The following CMSS1 variants were observed in gnomAD, a reference collection of about 807,000 sequenced individuals.
CMSS1 encodes the protein cms1 ribosomal small subunit homolog.
CMSS1 carries 33 observed loss-of-function variants against 43.5 expected under a neutral mutation model. The observed-to-expected ratio is 0.76, with a 90% CI of 0.57 to 1.01. The LOEUF is 1.01. CMSS1 is among the 50% of genes least tolerant of loss of function. CMSS1 has a pLI of 0.00. For missense variants in CMSS1, 313 were observed against 326.4 expected, an observed-to-expected ratio of 0.96 and a Z score of 0.32; for synonymous variants, 115 against 117.2, an observed-to-expected ratio of 0.98 and a Z score of 0.12.
chr3:99,958,245 T>TATTATC (rs1179602939), intron 1 of CMSS1, among the ~76,000 whole-genome samples: 1 of 143,950 alleles, frequency 6.9e-6, no homozygotes, highest in East Asian at 2.0e-4. Context: ...TTATTATTAT[T>TATTATC]ATTATTTGAA....
At chr3:100,136,409 C>T (rs1007928180) in intron 1 of CMSS1, among the ~76,000 whole-genome samples, 4 of 152,170 alleles carry the variant, frequency 2.6e-5, no homozygotes, top group Admixed American at 6.5e-5. Context: ...TTGAAGAAGC[C>T]AGGAGGCTGA....
rs145905204 is a variant in CMSS1, at chr3:100,153,355, C to T, written c.153+6294C>T. ...CATTCGACACAGTATTATTTAGATT[C>T]CTCCATGTCAGTGTATAGTATTTCA... On this transcript the variant is annotated intron_variant, in intron 2 of 9. Coordinates refer to ENST00000421999, the MANE Select transcript of CMSS1 (RefSeq NM_032359.4). Among the ~76,000 whole-genome samples, 747 of 152,298 alleles carry T rather than the reference C, an allele frequency of 4.9e-3. 3 individuals carry two copies. The highest frequency in any genetic ancestry group is 8.3e-3 in the Non-Finnish European group (567 of 68,026).
At chr3:99,881,537 CTT>C (rs767566245) in intron 1 of CMSS1, among the ~76,000 whole-genome samples, 6 of 144,890 alleles carry the variant, frequency 4.1e-5, no homozygotes, top group Non-Finnish European at 3.0e-5. Flanking sequence ...CTCTCTCTCT[CTT>C]TTTTTTTTTT....
At chr3:99,924,516 G>T in intron 1 of CMSS1, 3 of 1,186,302 alleles carry the variant, frequency 2.5e-6, no homozygotes, top group African/African-American at 1.6e-5. Context: ...GGGTTTTTTT[G>T]GTTTTTTGTT....
intron 1 of CMSS1, among the ~76,000 whole-genome samples, chr3:99,822,455 GC>G (rs1415362231): frequency 3.3e-5 from 5 of 152,148 alleles, no homozygotes; most frequent in African/African-American, 1.2e-4. Context: ...TTGCGGCCAG[GC>G]GCAGTGGCTC....
intron 1 of CMSS1, among the ~76,000 whole-genome samples, chr3:99,943,907 G>A (rs1377812074): frequency 1.3e-5 from 2 of 152,230 alleles, no homozygotes; most frequent in African/African-American, 4.8e-5. Context: ...TTTCTTCAGG[G>A]CTCAGTGTTT....
At chr3:100,042,846 G>A (rs914273581) in intron 1 of CMSS1, among the ~76,000 whole-genome samples, 1 of 152,082 alleles carries the variant, frequency 6.6e-6, no homozygotes, top group Non-Finnish European at 1.5e-5. Context: ...GACAGTTCAA[G>A]AAAAAAATGG....
At chr3:99,910,930 A>G (rs567445065) in intron 1 of CMSS1, among the ~76,000 whole-genome samples, 1 of 152,340 alleles carries the variant, frequency 6.6e-6, no homozygotes, top group South Asian at 2.1e-4. Flanking sequence ...CTTTTCAAGG[A>G]TGAAGAGATG....
At chr3:100,095,273 G>A (rs1026030696) in intron 1 of CMSS1, among the ~76,000 whole-genome samples, 3 of 151,846 alleles carry the variant, frequency 2.0e-5, no homozygotes, top group African/African-American at 7.3e-5. Flanking sequence ...CAAAAATCTT[G>A]CGGAGATTTT....
chr3:100,139,144 G>A (rs1300863673), intron 1 of CMSS1, among the ~76,000 whole-genome samples: 1 of 152,044 alleles, frequency 6.6e-6, no homozygotes, highest in African/African-American at 2.4e-5. Context: ...TGAACAATGA[G>A]AACATGTGGA....
At chr3:99,957,722 G>GGT (rs1193054339) in intron 1 of CMSS1, among the ~76,000 whole-genome samples, 3 of 17,992 alleles carry the variant, frequency 1.7e-4, no homozygotes, top group South Asian at 4.5e-3. Flanking sequence ...TTTTTTTTTT[G>GGT]GTGTGTGTGT....
chr3:99,839,977 C>T (rs1051300968), intron 1 of CMSS1, among the ~76,000 whole-genome samples: 12 of 152,144 alleles, frequency 7.9e-5, no homozygotes, highest in South Asian at 2.1e-4. Context: ...AACCAGAGGG[C>T]GATTTTGCCC....
chr3:99,841,551 A>T (rs1041593571), intron 1 of CMSS1, among the ~76,000 whole-genome samples: 8 of 152,198 alleles, frequency 5.3e-5, no homozygotes, highest in Non-Finnish European at 8.8e-5. Flanking sequence ...GGAATGGCTG[A>T]GGACGAGGTA....
At chr3:100,096,059 A>G (rs1026427149) in intron 1 of CMSS1, among the ~76,000 whole-genome samples, 2 of 152,194 alleles carry the variant, frequency 1.3e-5, no homozygotes, top group African/African-American at 4.8e-5. Flanking sequence ...CTGCACATCA[A>G]AACTGTAATG....
At chr3:99,923,693 C>T (rs1707195375) in intron 1 of CMSS1, among the ~76,000 whole-genome samples, 1 of 152,216 alleles carries the variant, frequency 6.6e-6, no homozygotes, top group African/African-American at 2.4e-5. Flanking sequence ...TCCATGTTCC[C>T]TTAATCGTTC....
chr3:99,884,067 G>C (rs981565577), intron 1 of CMSS1, among the ~76,000 whole-genome samples: 2 of 152,182 alleles, frequency 1.3e-5, no homozygotes, highest in Non-Finnish European at 2.9e-5. Flanking sequence ...CTAGGAGAGT[G>C]AGAATGGATC....
chr3:99,981,306 G>C (rs1709116227), intron 1 of CMSS1, among the ~76,000 whole-genome samples: 1 of 152,176 alleles, frequency 6.6e-6, no homozygotes, highest in Non-Finnish European at 1.5e-5. Flanking sequence ...ACTAAGCTCT[G>C]ATGTCACATC....
At chr3:100,062,970 A>G (rs2065599852) in intron 1 of CMSS1, among the ~76,000 whole-genome samples, 2 of 152,234 alleles carry the variant, frequency 1.3e-5, no homozygotes, top group African/African-American at 2.4e-5. Flanking sequence ...CGAAAGGAGG[A>G]TAGAAATAGA....
intron 1 of CMSS1, among the ~76,000 whole-genome samples, chr3:100,086,596 G>A (rs562587311): frequency 2.0e-5 from 3 of 152,248 alleles, no homozygotes; most frequent in South Asian, 2.1e-4. Flanking sequence ...CCAGGCTAAC[G>A]TCCAAAATAT....
Sources: allele counts gnomAD v4.1 joint callset (sites outside exome capture counted in the v4.1 genomes callset), GRCh38; gene constraint gnomAD v4.1.1; transcripts MANE v1.5; gene names NCBI Gene and HGNC (gene_info 2026-07-23, HGNC 2026-07-21).